Variants in MMS22L observed in about 807,000 individuals in gnomAD.
MMS22L encodes MMS22 like, DNA repair protein, also known as protein MMS22-like.
Under a neutral mutation model 159.1 loss-of-function variants are expected in MMS22L, and 74 were observed. That is an observed-to-expected ratio of 0.47 (90% CI 0.39 to 0.56). The LOEUF is 0.56. MMS22L is among the 20% of genes least tolerant of loss of function. MMS22L has a pLI of 0.00. For synonymous variants in MMS22L, 517 were observed against 506.9 expected (o/e 1.02, Z -0.27); for missense variants, 1,351 against 1,422.1 (o/e 0.95, Z 0.80).
intron 14 of MMS22L, 63 bp downstream of exon 14, chr6:97,228,831 T>C (rs1305078612): frequency 1.4e-6 from 2 of 1,447,182 alleles, no homozygotes; most frequent in Non-Finnish European, 1.9e-6. Flanking sequence ...AACTTTAATA[T>C]AAAATCCACA....
Position 97,165,471 on chromosome 6 carries a change from A to C in MMS22L, c.3010-14T>G. 1 of 1,606,138 alleles carries C rather than the reference A, an allele frequency of 6.2e-7. No individual in the cohort carries two copies. The highest frequency in any genetic ancestry group is 8.5e-7 in the Non-Finnish European group (1 of 1,175,510). On this transcript the variant is annotated splice_polypyrimidine_tract_variant and intron_variant, in intron 20 of 24. Transcript: ENST00000683635. ...GATACACATGCCCTACAAGGAAAAA[A>C]AGTAAGAAATACTAAGAGGTAAAGT...
chr6:97,227,895 A>G (rs1810428487), intron 14 of MMS22L, among the ~76,000 whole-genome samples: 1 of 152,242 alleles, frequency 6.6e-6, no homozygotes, highest in Non-Finnish European at 1.5e-5. Context: ...TCTTATCCAC[A>G]TCAAGTTTGT....
chr6:97,219,267 C>T (rs1361610163), intron 14 of MMS22L, among the ~76,000 whole-genome samples: 1 of 152,024 alleles, frequency 6.6e-6, no homozygotes, highest in Admixed American at 6.6e-5. Context: ...AGCTTCTTGA[C>T]ATGAATATTA....
chr6:97,238,073 A>G (rs780457097), intron 11 of MMS22L, among the ~76,000 whole-genome samples: 3 of 152,228 alleles, frequency 2.0e-5, no homozygotes, highest in Non-Finnish European at 4.4e-5. Context: ...TGAAAATTCA[A>G]ATCTCAGTTC....
Position 97,173,024 on chromosome 6 carries a change from A to C in MMS22L, c.2839+39T>G, listed in dbSNP as rs774086579. On this transcript the variant is annotated intron_variant, in intron 19 of 24. Coordinates refer to ENST00000683635, the MANE Select transcript of MMS22L (RefSeq NM_001350599.2). ...ATCATGATAGTATAGGCTCAACCTA[A>C]GGAAATGTTACTAGCAAAATAATGC... 5.0e-6 allele frequency: 8 copies of C among 1,594,968 alleles called. No individual in the cohort carries two copies. In the Admixed American group the frequency reaches 1.4e-4, roughly 29 times the overall value.
intron 11 of MMS22L, among the ~76,000 whole-genome samples, chr6:97,239,589 G>T (rs1261456281): frequency 6.6e-6 from 1 of 152,122 alleles, no homozygotes; most frequent in African/African-American, 2.4e-5. Flanking sequence ...CTAGAAAAAA[G>T]AATTCAAAAC....
At chr6:97,245,581 A>T (rs756284294) in intron 11 of MMS22L, among the ~76,000 whole-genome samples, 27 of 152,306 alleles carry the variant, frequency 1.8e-4, no homozygotes, top group South Asian at 1.4e-3. Flanking sequence ...GAGGACAACC[A>T]ATGAACATGA....
chr6:97,183,352 G>A (rs1398536763), intron 15 of MMS22L, among the ~76,000 whole-genome samples: 4 of 151,868 alleles, frequency 2.6e-5, no homozygotes, highest in East Asian at 3.9e-4. Context: ...TTGTGTACTC[G>A]CCTGGAAAAA....
intron 14 of MMS22L, among the ~76,000 whole-genome samples, chr6:97,215,848 G>A (rs557475523): frequency 6.6e-6 from 1 of 152,246 alleles, no homozygotes; most frequent in African/African-American, 2.4e-5. Context: ...TCACCAGGGG[G>A]AAATAGGCCT....
intron 3 of MMS22L, among the ~76,000 whole-genome samples, chr6:97,279,691 G>A (rs1417704905): frequency 1.3e-5 from 2 of 150,502 alleles, no homozygotes; most frequent in Admixed American, 6.6e-5. Context: ...GGAAGCTGAG[G>A]CAAAGAAGCG....
At chr6:97,270,462 G>A (rs1156580271) in intron 6 of MMS22L, 7 of 303,076 alleles carry the variant, frequency 2.3e-5, no homozygotes, top group Non-Finnish European at 3.2e-5. Context: ...GAAGTTAAAA[G>A]AGGTGAAAAA....
chr6:97,146,847 C>T lies in MMS22L; in HGVS notation c.3691G>A (p.Gly1231Arg). 6.4e-7 allele frequency: 1 copy of T among 1,571,068 alleles called. No homozygotes were observed. The highest frequency in any genetic ancestry group is 8.6e-7 in the Non-Finnish European group (1 of 1,166,034). ...TCCAGTCTCTGCATCTCATCTTGTC[C>T]CATCTGTCCAAGGTGAGACAAAAGT... Reference protein sequence around the residue: ...SKLLSHLGQMGQDEMQRLEND... With the variant: ...SKLLSHLGQMRQDEMQRLEND... The change falls in exon 25 of 25, where the codon GGA becomes AGA. Residue 1231 changes from glycine (G) to arginine (R), a missense_variant. Physicochemically the swap from Gly to Arg is moderately radical, Grantham distance 125. Transcript: ENST00000683635.
At chr6:97,217,424 T>G in intron 14 of MMS22L, among the ~76,000 whole-genome samples, 1 of 151,946 alleles carries the variant, frequency 6.6e-6, no homozygotes, top group East Asian at 1.9e-4. Context: ...CAGCTAATTT[T>G]TTGTATTTTT....
At chr6:97,219,824 T>C (rs1809430035) in intron 14 of MMS22L, among the ~76,000 whole-genome samples, 1 of 152,208 alleles carries the variant, frequency 6.6e-6, no homozygotes. Context: ...CTGCCTGGAA[T>C]ACTGGCTCCT....
intron 22 of MMS22L, among the ~76,000 whole-genome samples, chr6:97,160,788 A>AT (rs1457379203): frequency 6.6e-6 from 1 of 151,208 alleles, no homozygotes; most frequent in Admixed American, 6.6e-5. Context: ...CATTTTCTTC[A>AT]TTTTTTTGTC....
chr6:97,181,207 T>C (rs866380477), intron 16 of MMS22L, among the ~76,000 whole-genome samples: 2 of 152,180 alleles, frequency 1.3e-5, no homozygotes, highest in African/African-American at 4.8e-5. Flanking sequence ...GAATATGCTC[T>C]CTCACTCTAC....
chr6:97,153,682 G>C (rs2128235252), intron 22 of MMS22L, among the ~76,000 whole-genome samples: 1 of 152,118 alleles, frequency 6.6e-6, no homozygotes, highest in South Asian at 2.1e-4. Flanking sequence ...TGTCTCTATA[G>C]ATTTAACTAT....
chr6:97,170,496 T>C (rs1302627585), intron 19 of MMS22L, among the ~76,000 whole-genome samples: 3 of 151,948 alleles, frequency 2.0e-5, no homozygotes, highest in Admixed American at 2.0e-4. Flanking sequence ...ATAAATATAT[T>C]ATTTATTAAC....
chr6:97,149,783 AT>A, intron 24 of MMS22L, 69 bp downstream of exon 24: 2 of 1,401,986 alleles, frequency 1.4e-6, no homozygotes, highest in Non-Finnish European at 1.9e-6. Flanking sequence ...AAAATAAATC[AT>A]TTCTATAAAA....
Sources: gnomAD v4.1 joint callset for allele counts (sites outside exome capture counted in the v4.1 genomes callset) on GRCh38, gnomAD v4.1.1 for gene constraint, MANE v1.5 for transcripts, NCBI Gene and HGNC (gene_info 2026-07-23, HGNC 2026-07-21) for gene names.